WDFY2: variants seen among roughly 807,000 people sequenced by gnomAD.
The protein encoded by WDFY2 is WD repeat and FYVE domain containing 2.
In WDFY2, 36 loss-of-function variants were observed where a neutral mutation model predicts 56.4. That is an observed-to-expected ratio of 0.64 (90% CI 0.49 to 0.84). The LOEUF (loss-of-function observed/expected upper bound fraction) is 0.84, where lower values mean the gene tolerates loss of function less well. Ranked by LOEUF, WDFY2 falls within the 40% of genes least tolerant of loss-of-function variation. WDFY2 has a pLI of 0.00. For synonymous variants in WDFY2, 176 were observed against 183.7 expected (o/e 0.96, Z 0.34); for missense variants, 444 against 512.2 (o/e 0.87, Z 1.29).
At chr13:51,675,470 G>C (rs1955870609) in intron 3 of WDFY2, among the ~76,000 whole-genome samples, 1 of 152,208 alleles carries the variant, frequency 6.6e-6, no homozygotes, top group South Asian at 2.1e-4. Flanking sequence ...CCTATACAGA[G>C]TGGCTAGAAT....
rs1417572624 is a variant in WDFY2, at chr13:51,649,337, G to A, written c.138-11259G>A. Among the ~76,000 whole-genome samples the A allele has an allele frequency of 5.3e-5, 8 of 152,060 alleles. No individual in the cohort carries two copies. In the East Asian group the frequency reaches 1.3e-3, roughly 26 times the overall value. Reference sequence around the variant, plus strand: ...CAGCACGTGCAAGATGGACTGTGCGGTGCATTTGGCCCTGTCCTGTTACTG... The same window carrying A: ...CAGCACGTGCAAGATGGACTGTGCGATGCATTTGGCCCTGTCCTGTTACTG... On this transcript the variant is annotated intron_variant, in intron 1 of 11. Transcript: ENST00000298125.
At position 51,766,091 on chromosome 13, in the gene WDFY2, C is replaced by A. The variant is rs188251221; in HGVS notation, c.*6322C>A. The stretch of plus-strand genomic sequence containing the variant: ...ATCATTTTAGTGGATGGCAGCCTTA[C>A]GTCAGTAGTATATGCCACTATGAAG... On this transcript the variant is annotated 3_prime_UTR_variant, in exon 12 of 12. Coordinates refer to ENST00000298125, the MANE Select transcript of WDFY2 (RefSeq NM_052950.4). The A allele has an allele frequency of 6.6e-6, 1 of 152,184 alleles. No individual in the cohort carries two copies. The highest frequency in any genetic ancestry group is 1.5e-5 in the Non-Finnish European group (1 of 68,034). 9.4% of individuals were successfully genotyped at this position (152,184 alleles called of 1,614,324 possible). A position where few individuals can be genotyped will look rare whatever the true frequency, so the allele number is the denominator to read the frequency against.
intron 3 of WDFY2, among the ~76,000 whole-genome samples, chr13:51,682,109 C>A (rs1287763564): frequency 5.9e-5 from 9 of 152,278 alleles, no homozygotes; most frequent in African/African-American, 2.2e-4. Flanking sequence ...CGTAGGAGCA[C>A]CCAGATTGCT....
At position 51,760,505 on chromosome 13, in the gene WDFY2, G is replaced by A. The variant is rs527292741; in HGVS notation, c.*736G>A. The A allele has an allele frequency of 1.3e-5, 2 of 152,112 alleles. No individual in the cohort carries two copies. Among genetic ancestry groups the A allele is most frequent in the Non-Finnish European group, 2.9e-5 (2 of 68,024 alleles). 9.4% of individuals were successfully genotyped at this position (152,112 alleles called of 1,614,324 possible). ...GCTCCCAACCATGGTTATCACAGAAGTAGATTATTTTAACTCAGAGCTTCA... is the reference window on the plus strand; with the variant it reads ...GCTCCCAACCATGGTTATCACAGAAATAGATTATTTTAACTCAGAGCTTCA... On this transcript the variant is annotated 3_prime_UTR_variant, in exon 12 of 12. Transcript: ENST00000298125.
intron 4 of WDFY2, among the ~76,000 whole-genome samples, chr13:51,704,385 G>C (rs1269208042): frequency 6.6e-6 from 1 of 152,078 alleles, no homozygotes; most frequent in Non-Finnish European, 1.5e-5. Flanking sequence ...ATTGTGTTCT[G>C]GTAACAGAAT....
chr13:51,736,707 G>A (rs1337074931), intron 6 of WDFY2, among the ~76,000 whole-genome samples: 1 of 152,200 alleles, frequency 6.6e-6, no homozygotes, highest in Admixed American at 6.5e-5. Flanking sequence ...TGGCCAGGCT[G>A]GTCTCAAACT....
chr13:51,641,227 G>A (rs1295809846), intron 1 of WDFY2, among the ~76,000 whole-genome samples: 3 of 151,636 alleles, frequency 2.0e-5, no homozygotes, highest in South Asian at 2.1e-4. Context: ...CGCCTGCTGC[G>A]CCCGGCTAAT....
At chr13:51,699,118 A>G (rs1472014307) in intron 3 of WDFY2, among the ~76,000 whole-genome samples, 2 of 152,178 alleles carry the variant, frequency 1.3e-5, no homozygotes, top group East Asian at 3.8e-4. Flanking sequence ...GCTACTTCTG[A>G]ATTACATGAA....
At chr13:51,663,510 C>T (rs1955649642) in intron 2 of WDFY2, among the ~76,000 whole-genome samples, 1 of 152,116 alleles carries the variant, frequency 6.6e-6, no homozygotes, top group South Asian at 2.1e-4. Flanking sequence ...AAGTTATCTT[C>T]ATCACAATTG....
chr13:51,730,783 G>GT lies in WDFY2; in HGVS notation c.598+2994dup, dbSNP rs1485667743. 3.3e-5 allele frequency among the ~76,000 whole-genome samples: 5 copies of GT among 152,270 alleles called. No homozygotes were observed. In the East Asian group the frequency reaches 7.7e-4, roughly 23 times the overall value. On this transcript the variant is annotated intron_variant, in intron 6 of 11. Coordinates refer to ENST00000298125, the MANE Select transcript of WDFY2 (RefSeq NM_052950.4). ...AGTATCTCAGGCAGAGAAAACCAGC[G>GT]TGTTCAAGGCAAGGAGATGTGTGAG...
intron 7 of WDFY2, among the ~76,000 whole-genome samples, chr13:51,749,944 A>G (rs947194856): frequency 2.0e-5 from 3 of 152,186 alleles, no homozygotes; most frequent in African/African-American, 7.2e-5. Flanking sequence ...AATCTTAAAC[A>G]TTATGTATGA....
At chr13:51,748,048 C>G (rs9535747) in intron 7 of WDFY2, among the ~76,000 whole-genome samples, 19,083 of 152,214 alleles carry the variant, frequency 0.13, 1,489 homozygotes, top group South Asian at 0.22. Flanking sequence ...CTCTCTTACT[C>G]TCTGTGTTCC....
In WDFY2 at chr13:51,766,427, C is replaced by CT. The variant is rs1235193115; in HGVS notation, c.*6661dup. ...CATATTACCGTATGGATATCTTTTT[C>CT]TTTCTTTTTTTAAAGTGAGGAGATT... is the stretch of plus-strand genomic sequence containing the variant. On this transcript the variant is annotated 3_prime_UTR_variant, in exon 12 of 12. Coordinates refer to ENST00000298125, the MANE Select transcript of WDFY2 (RefSeq NM_052950.4). The CT allele has an allele frequency of 6.6e-6, 1 of 152,172 alleles. No individual in the cohort carries two copies. The highest frequency in any genetic ancestry group is 1.5e-5 in the Non-Finnish European group (1 of 68,042). 9.4% of individuals were successfully genotyped at this position (152,172 alleles called of 1,614,324 possible).
At chr13:51,646,328 A>G (rs760259843) in intron 1 of WDFY2, among the ~76,000 whole-genome samples, 1 of 151,922 alleles carries the variant, frequency 6.6e-6, no homozygotes, top group Non-Finnish European at 1.5e-5. Context: ...CGCCCTCTCC[A>G]CTTTCCTCTG....
chr13:51,681,821 C>T (rs1299289622), intron 3 of WDFY2, among the ~76,000 whole-genome samples: 1 of 152,064 alleles, frequency 6.6e-6, no homozygotes, highest in African/African-American at 2.4e-5. Context: ...GTTCTTTTAT[C>T]AAAGAAAACT....
At position 51,654,530 on chromosome 13, in the gene WDFY2, C is replaced by T. The variant is rs183274601; in HGVS notation, c.138-6066C>T. The stretch of plus-strand genomic sequence containing the variant: ...GCTGTAGACTGGAGCTGTTCCTGAT[C>T]GGCCATCTTGGCTCCACCCAGACTT... On this transcript the variant is annotated intron_variant, in intron 1 of 11. Coordinates refer to ENST00000298125, the MANE Select transcript of WDFY2 (RefSeq NM_052950.4). Among the ~76,000 whole-genome samples the T allele has an allele frequency of 5.1e-3, 777 of 152,288 alleles. 5 individuals are homozygous for T. Among genetic ancestry groups the T allele is most frequent in the African/African-American group, 0.015 (612 of 41,560 alleles).
At chr13:51,742,764 G>A (rs1953004102) in intron 7 of WDFY2, among the ~76,000 whole-genome samples, 1 of 152,078 alleles carries the variant, frequency 6.6e-6, no homozygotes, top group Non-Finnish European at 1.5e-5. Flanking sequence ...CACCAAGAAT[G>A]GATTCAGCAG....
At chr13:51,650,727 C>T (rs1366476335) in intron 1 of WDFY2, among the ~76,000 whole-genome samples, 5 of 152,104 alleles carry the variant, frequency 3.3e-5, no homozygotes, top group Admixed American at 6.5e-5. Flanking sequence ...AATTGATTTG[C>T]GTATGTTGAA....
intron 1 of WDFY2, among the ~76,000 whole-genome samples, chr13:51,650,875 CTTT>C (rs1293297666): frequency 2.0e-5 from 3 of 152,056 alleles, no homozygotes; most frequent in Admixed American, 2.0e-4. Flanking sequence ...CTAAAATTCT[CTTT>C]TTTTGTTGTG....
Sources: gnomAD v4.1 joint callset for allele counts (sites outside exome capture counted in the v4.1 genomes callset) on GRCh38, gnomAD v4.1.1 for gene constraint, MANE v1.5 for transcripts, NCBI Gene and HGNC (gene_info 2026-07-23, HGNC 2026-07-21) for gene names.